The following DPYD variants were observed in gnomAD, a reference collection of about 807,000 sequenced individuals.
DPYD encodes dihydropyrimidine dehydrogenase.
DPYD carries 109 observed loss-of-function variants against 116.2 expected under a neutral mutation model. The ratio of observed to expected loss-of-function variants is 0.94; its 90% CI spans 0.80 to 1.10. The LOEUF is 1.10. Among genes scored for constraint, DPYD ranks in the 50% least tolerant of loss-of-function variants. The probability of loss-of-function intolerance (pLI) is 0.00; values close to 1 mark genes in which losing one functional copy is unlikely to be tolerated. For synonymous variants in DPYD, 440 were observed against 432.0 expected, an observed-to-expected ratio of 1.02 and a Z score of -0.23; for missense variants, 1,302 against 1,254.5, an observed-to-expected ratio of 1.04 and a Z score of -0.57.
intron 10 of DPYD, 24 bp downstream of exon 10, chr1:97,593,194 T>C (rs1654640644): frequency 1.2e-6 from 2 of 1,612,940 alleles, no homozygotes; most frequent in East Asian, 4.5e-5. Context: ...TACAACTCCA[T>C]ATTTTCTGAT....
intron 18 of DPYD, among the ~76,000 whole-genome samples, chr1:97,254,003 C>A (rs1452738163): frequency 6.6e-6 from 1 of 152,062 alleles, no homozygotes; most frequent in African/African-American, 2.4e-5. Flanking sequence ...GTTGAATGAA[C>A]TAAATATGCA....
At chr1:97,663,617 C>A (rs1419911381) in intron 8 of DPYD, among the ~76,000 whole-genome samples, 1 of 152,198 alleles carries the variant, frequency 6.6e-6, no homozygotes, top group Non-Finnish European at 1.5e-5. Context: ...AAACCTATCT[C>A]ACTAATCTCT....
intron 15 of DPYD, among the ~76,000 whole-genome samples, chr1:97,374,117 T>A (rs1671459168): frequency 1.3e-5 from 2 of 152,218 alleles, no homozygotes; most frequent in Admixed American, 6.5e-5. Flanking sequence ...GATGCTGGGA[T>A]TAGGCATACA....
chr1:97,236,113 A>G (rs1456462579), intron 18 of DPYD, among the ~76,000 whole-genome samples: 2 of 152,224 alleles, frequency 1.3e-5, no homozygotes, highest in Non-Finnish European at 2.9e-5. Flanking sequence ...TAATAAAGGA[A>G]TATAATTTGA....
chr1:97,653,852 A>C (rs1658735906), intron 8 of DPYD, among the ~76,000 whole-genome samples: 1 of 152,190 alleles, frequency 6.6e-6, no homozygotes, highest in South Asian at 2.1e-4. Context: ...ACATTTAACA[A>C]AGGATAAACA....
intron 20 of DPYD, among the ~76,000 whole-genome samples, chr1:97,136,353 A>T (rs1457953088): frequency 1.3e-5 from 2 of 152,138 alleles, no homozygotes; most frequent in African/African-American, 4.8e-5. Context: ...CTATGAGGTC[A>T]GTACTGTTAT....
At chr1:97,638,338 AGCCAT>A (rs1281193223) in intron 8 of DPYD, among the ~76,000 whole-genome samples, 1 of 152,120 alleles carries the variant, frequency 6.6e-6, no homozygotes, top group Non-Finnish European at 1.5e-5. Context: ...TGCCCTGGGA[AGCCAT>A]GCCTGACAGA....
chr1:97,384,787 C>T (rs915010325), intron 14 of DPYD, among the ~76,000 whole-genome samples: 7 of 151,762 alleles, frequency 4.6e-5, no homozygotes, highest in African/African-American at 7.3e-5. Flanking sequence ...CTGAGAAATT[C>T]GCAGACCATT....
At chr1:97,554,926 C>T (rs1405113198) in intron 11 of DPYD, among the ~76,000 whole-genome samples, 1 of 152,022 alleles carries the variant, frequency 6.6e-6, no homozygotes, top group Non-Finnish European at 1.5e-5. Flanking sequence ...ATTTTCTCCT[C>T]TCCTCTCCAA....
chr1:97,141,473 AT>A (rs2101695372), intron 20 of DPYD, among the ~76,000 whole-genome samples: 1 of 152,042 alleles, frequency 6.6e-6, no homozygotes, highest in East Asian at 1.9e-4. Context: ...CACGAGGCTT[AT>A]TTCTCATTTC....
chr1:97,599,381 T>C (rs1024110446), intron 8 of DPYD, among the ~76,000 whole-genome samples: 3 of 152,014 alleles, frequency 2.0e-5, no homozygotes, highest in Admixed American at 1.3e-4. Context: ...ATGAACAAGA[T>C]ATTAGATGTT....
intron 5 of DPYD, chr1:97,720,352 A>T: frequency 7.1e-6 from 7 of 985,658 alleles, no homozygotes; most frequent in Non-Finnish European, 7.2e-6. Context: ...GTCCCCAAAG[A>T]AAAGTGAGGA....
rs1571417527 is a variant in DPYD at position 97,823,129 on chromosome 1, C to A, written c.233+4985G>T. 2.0e-5 allele frequency among the ~76,000 whole-genome samples: 3 copies of A among 152,024 alleles called. 1 individual carries two copies. The highest frequency in any genetic ancestry group is 2.0e-4 in the Admixed American group (3 of 15,258). Reference sequence around the variant, plus strand: ...CATATCTATTACCTCAAACACTTGTCTTTTTTTGTTTGTTTGTTTTGTTTT... The same window carrying A: ...CATATCTATTACCTCAAACACTTGTATTTTTTTGTTTGTTTGTTTTGTTTT... On this transcript the variant is annotated intron_variant, in intron 3 of 22. Transcript: ENST00000370192.
chr1:97,252,519 C>T (rs1520664), intron 18 of DPYD, among the ~76,000 whole-genome samples: 60,052 of 151,972 alleles, frequency 0.4, 12,042 homozygotes, highest in Middle Eastern at 0.46. Flanking sequence ...ATAATAATTC[C>T]AAACAGCATT....
At chr1:97,688,852 C>T (rs920453523) in intron 7 of DPYD, among the ~76,000 whole-genome samples, 2 of 151,284 alleles carry the variant, frequency 1.3e-5, no homozygotes, top group Non-Finnish European at 3.0e-5. Flanking sequence ...AAACATGATG[C>T]CAAAATTGAT....
chr1:97,275,468 T>A (rs1002261394), intron 18 of DPYD, among the ~76,000 whole-genome samples: 1 of 152,174 alleles, frequency 6.6e-6, no homozygotes, highest in Non-Finnish European at 1.5e-5. Flanking sequence ...CACTTTGCAG[T>A]GGTCTATTTG....
intron 1 of DPYD, among the ~76,000 whole-genome samples, chr1:97,910,790 A>C (rs1673895761): frequency 6.6e-6 from 1 of 152,004 alleles, no homozygotes; most frequent in Admixed American, 6.6e-5. Flanking sequence ...AATTTATCTG[A>C]GGTTTGGGGA....
At chr1:97,855,771 A>C (rs1412632186) in intron 2 of DPYD, 1 of 152,262 alleles carries the variant, frequency 6.6e-6, no homozygotes, top group Non-Finnish European at 1.5e-5. Context: ...AAAAATTCCA[A>C]TCTTCAGGGA....
intron 3 of DPYD, among the ~76,000 whole-genome samples, chr1:97,827,732 T>C (rs955456082): frequency 6.6e-6 from 1 of 152,086 alleles, no homozygotes; most frequent in Non-Finnish European, 1.5e-5. Flanking sequence ...AGTACCTCTC[T>C]TTAAATTAAA....
Sources: allele counts gnomAD v4.1 joint callset (sites outside exome capture counted in the v4.1 genomes callset), GRCh38; gene constraint gnomAD v4.1.1; transcripts MANE v1.5; gene names NCBI Gene and HGNC (gene_info 2026-07-23, HGNC 2026-07-21).